Variants in GABRG2 observed in about 807,000 individuals in gnomAD.
The protein encoded by GABRG2 is gamma-aminobutyric acid type A receptor subunit gamma2.
A neutral mutation model predicts 56.4 loss-of-function variants in GABRG2; 16 were observed. The observed-to-expected ratio is 0.28, with a 90% CI of 0.19 to 0.43. The LOEUF is 0.43. Among genes scored for constraint, GABRG2 ranks in the 20% least tolerant of loss-of-function variants. The probability of loss-of-function intolerance (pLI) is 1.00; values close to 1 mark genes in which losing one functional copy is unlikely to be tolerated. For missense variants in GABRG2, 327 were observed against 582.7 expected (o/e 0.56, Z 4.52); for synonymous variants, 208 against 205.5 (o/e 1.01, Z -0.10).
At chr5:162,112,874 A>C (rs543977285) in intron 6 of GABRG2, among the ~76,000 whole-genome samples, 10 of 152,290 alleles carry the variant, frequency 6.6e-5, no homozygotes, top group African/African-American at 2.2e-4. Flanking sequence ...GTAAAACCCC[A>C]AGGAAAAAGG....
chr5:162,133,169 A>G (rs1763877579), intron 6 of GABRG2, among the ~76,000 whole-genome samples: 3 of 152,064 alleles, frequency 2.0e-5, no homozygotes. Context: ...ATCACTCAAC[A>G]GGAATATCAC....
intron 1 of GABRG2, among the ~76,000 whole-genome samples, chr5:162,074,096 C>T (rs1758891874): frequency 6.6e-6 from 1 of 151,876 alleles, no homozygotes; most frequent in Non-Finnish European, 1.5e-5. Context: ...ATTTGTCCCC[C>T]ATACTAGAGA....
intron 5 of GABRG2, chr5:162,102,365 T>G (rs1237514884): frequency 2.6e-6 from 1 of 388,918 alleles, no homozygotes; most frequent in Non-Finnish European, 5.2e-6. Flanking sequence ...CTTTCTTGCG[T>G]CAGCTAAAAT....
intron 7 of GABRG2, among the ~76,000 whole-genome samples, 166 bp from the exon 8 acceptor site, chr5:162,148,942 A>C (rs879225777): frequency 1.3e-5 from 2 of 152,230 alleles, no homozygotes; most frequent in Admixed American, 6.5e-5. Flanking sequence ...CATAGTAGAC[A>C]GGCAATAAAT....
chr5:162,152,258 T>C, intron 9 of GABRG2: 1 of 190,798 alleles, frequency 5.2e-6, no homozygotes, highest in East Asian at 1.6e-4. Context: ...ATTTCCAGAG[T>C]GATCCCTGAG....
intron 6 of GABRG2, among the ~76,000 whole-genome samples, chr5:162,136,737 G>A (rs762550947): frequency 2.4e-4 from 37 of 152,150 alleles, no homozygotes; most frequent in Non-Finnish European, 4.6e-4. Flanking sequence ...GGCTTTCTCC[G>A]AAGAGGAGCG....
At chr5:162,140,495 A>G (rs1013322777) in intron 6 of GABRG2, among the ~76,000 whole-genome samples, 1 of 152,158 alleles carries the variant, frequency 6.6e-6, no homozygotes, top group African/African-American at 2.4e-5. Context: ...GTAATAACTC[A>G]CCCCGCTAAT....
chr5:162,078,492 C>T (rs963941641), intron 1 of GABRG2, among the ~76,000 whole-genome samples: 13 of 139,942 alleles, frequency 9.3e-5, no homozygotes, highest in East Asian at 2.2e-4. Flanking sequence ...CTGCAAGCTG[C>T]GCCTCCCAGG....
At chr5:162,079,179 G>A (rs1759442813) in intron 1 of GABRG2, among the ~76,000 whole-genome samples, 1 of 152,034 alleles carries the variant, frequency 6.6e-6, no homozygotes, top group African/African-American at 2.4e-5. Flanking sequence ...GGTCCATGAT[G>A]GAAGTCCTCT....
chr5:162,070,589 C>T (rs1758593960), intron 1 of GABRG2, among the ~76,000 whole-genome samples: 1 of 151,438 alleles, frequency 6.6e-6, no homozygotes, highest in African/African-American at 2.4e-5. Context: ...TGTTTTCGCC[C>T]TCATTAAGTG....
chr5:162,109,174 T>C (rs2113404594), intron 6 of GABRG2, among the ~76,000 whole-genome samples: 1 of 151,178 alleles, frequency 6.6e-6, no homozygotes, highest in South Asian at 2.1e-4. Context: ...TTCTCCCTCA[T>C]AGGTGGGAAT....
intron 6 of GABRG2, among the ~76,000 whole-genome samples, chr5:162,136,451 G>A (rs778810677): frequency 1.3e-5 from 2 of 151,910 alleles, no homozygotes; most frequent in Non-Finnish European, 1.5e-5. Flanking sequence ...AGGTGTAGTC[G>A]CATTGTGGAA....
chr5:162,098,000 T>C (rs934077239), intron 4 of GABRG2, 142 bp downstream of exon 4: 8 of 692,918 alleles, frequency 1.2e-5, no homozygotes, highest in Middle Eastern at 3.6e-4. Flanking sequence ...TCAATTAGTA[T>C]ATGACATCAA....
chr5:162,105,355 T>C (rs1761725622), intron 6 of GABRG2, among the ~76,000 whole-genome samples: 1 of 152,130 alleles, frequency 6.6e-6, no homozygotes, highest in African/African-American at 2.4e-5. Flanking sequence ...ATAGTAATGC[T>C]TGAGTATATT....
At chr5:162,084,467 C>T (rs1467198511) in intron 1 of GABRG2, among the ~76,000 whole-genome samples, 1 of 151,848 alleles carries the variant, frequency 6.6e-6, no homozygotes, top group Non-Finnish European at 1.5e-5. Context: ...GTGGTTCTAT[C>T]ATACTCTCTT....
At chr5:162,085,767 CCTCT>C (rs1760045836) in intron 1 of GABRG2, among the ~76,000 whole-genome samples, 1 of 151,760 alleles carries the variant, frequency 6.6e-6, no homozygotes, top group South Asian at 2.1e-4. Context: ...GTGTGTTGCT[CCTCT>C]CTATTTGTCC....
intron 1 of GABRG2, among the ~76,000 whole-genome samples, chr5:162,086,011 C>T (rs1347502050): frequency 6.6e-6 from 1 of 151,474 alleles, no homozygotes; most frequent in Non-Finnish European, 1.5e-5. Flanking sequence ...GATTCCATGT[C>T]TTTGCCATTG....
intron 7 of GABRG2, among the ~76,000 whole-genome samples, chr5:162,145,839 T>A (rs1185244990): frequency 6.6e-6 from 1 of 152,184 alleles, no homozygotes; most frequent in Non-Finnish European, 1.5e-5. Context: ...ACAGTGCCAA[T>A]TTAGTTTTTC....
chr5:162,150,201 C>T (rs1301212198), intron 8 of GABRG2: 1 of 152,206 alleles, frequency 6.6e-6, no homozygotes, highest in African/African-American at 2.4e-5. Context: ...TATTTAAAAA[C>T]ACTTGTCTTA....
Sources: gnomAD v4.1 joint callset for allele counts (sites outside exome capture counted in the v4.1 genomes callset) on GRCh38, gnomAD v4.1.1 for gene constraint, MANE v1.5 for transcripts, NCBI Gene and HGNC (gene_info 2026-07-23, HGNC 2026-07-21) for gene names.